Variants in ETV6 observed in about 807,000 individuals in gnomAD.
The protein encoded by ETV6 is transcription factor ETV6.
A neutral mutation model predicts 51.1 loss-of-function variants in ETV6; 16 were observed. The ratio of observed to expected loss-of-function variants is 0.31; its 90% CI spans 0.21 to 0.48. The LOEUF (loss-of-function observed/expected upper bound fraction) is 0.48. Among genes scored for constraint, ETV6 ranks in the 20% least tolerant of loss-of-function variants. ETV6 has a pLI of 0.99. For missense variants in ETV6, 458 were observed against 594.8 expected (o/e 0.77, Z 2.39); for synonymous variants, 240 against 224.1 (o/e 1.07, Z -0.64).
At chr12:11,825,348 A>T (rs1443917205) in intron 2 of ETV6, among the ~76,000 whole-genome samples, 2 of 152,222 alleles carry the variant, frequency 1.3e-5, no homozygotes. Context: ...AAGAAGAAAC[A>T]AGAAAGGTTT....
At chr12:11,882,891 A>C (rs912585553) in intron 5 of ETV6, among the ~76,000 whole-genome samples, 2 of 152,240 alleles carry the variant, frequency 1.3e-5, no homozygotes, top group African/African-American at 4.8e-5. Flanking sequence ...GGCCTTGCCC[A>C]AAGTAAAAAA....
chr12:11,891,842 G>T lies in ETV6; in HGVS notation c.*796G>T. 1 of 323,472 alleles carries T rather than the reference G, an allele frequency of 3.1e-6. No individual in the cohort carries two copies. Among genetic ancestry groups the T allele is most frequent in the Non-Finnish European group, 6.0e-6 (1 of 167,372 alleles). The allele number at this position is 323,472 out of a possible 1,614,324, so 20.0% of individuals were successfully genotyped here. On this transcript the variant is annotated 3_prime_UTR_variant, in exon 8 of 8. Transcript: ENST00000396373. The stretch of plus-strand genomic sequence containing the variant: ...GAATCAAACCCGCATCCCAGCATTG[G>T]GCCACCCATCTGAGGGAGGCCAAAA...
intron 1 of ETV6, among the ~76,000 whole-genome samples, chr12:11,671,845 G>A (rs1864322634): frequency 6.6e-6 from 1 of 151,910 alleles, no homozygotes; most frequent in African/African-American, 2.4e-5. Flanking sequence ...TAACAGATTG[G>A]TTCAAGTCAA....
intron 1 of ETV6, among the ~76,000 whole-genome samples, chr12:11,653,135 T>G (rs999471374): frequency 6.6e-6 from 1 of 152,148 alleles, no homozygotes; most frequent in African/African-American, 2.4e-5. Context: ...TGGGGTCGTT[T>G]AAATGGAAGG....
chr12:11,649,972 G>A lies in ETV6; in HGVS notation c.-156G>A. On this transcript the variant is annotated 5_prime_UTR_variant, in exon 1 of 8. Coordinates refer to ENST00000396373, the MANE Select transcript of ETV6 (RefSeq NM_001987.5). ...TCCGCCGGCCGCCCCGCCCCGCCCCGCGCGCTCCAGACCCCCGGGGCGGCT... is the reference window on the plus strand; with the variant it reads ...TCCGCCGGCCGCCCCGCCCCGCCCCACGCGCTCCAGACCCCCGGGGCGGCT... 1 of 534,914 alleles carries A rather than the reference G, an allele frequency of 1.9e-6. No individual in the cohort carries two copies. Among genetic ancestry groups the A allele is most frequent in the Non-Finnish European group, 3.2e-6 (1 of 317,210 alleles). 33.1% of individuals were successfully genotyped at this position (534,914 alleles called of 1,614,324 possible). A position where few individuals can be genotyped will look rare whatever the true frequency, so the allele number is the denominator to read the frequency against.
At chr12:11,743,459 A>G (rs1366679303) in intron 1 of ETV6, among the ~76,000 whole-genome samples, 2 of 152,136 alleles carry the variant, frequency 1.3e-5, no homozygotes, top group Middle Eastern at 3.4e-3. Flanking sequence ...TTCCTTACAG[A>G]TGGGGGTGAG....
At chr12:11,773,840 C>T (rs1945277699) in intron 2 of ETV6, among the ~76,000 whole-genome samples, 1 of 152,242 alleles carries the variant, frequency 6.6e-6, no homozygotes, top group Admixed American at 6.5e-5. Flanking sequence ...CTCCCTTCCA[C>T]AGGGCTGCGT....
In ETV6 at chr12:11,890,731, T is replaced by C. The variant is rs1482266462; in HGVS notation, c.1254-210T>C. ...TGAGCTACCATGCCTGGCCCTAGTC[T>C]TTTTAAATAAGCATTTTACCACTTT... On this transcript the variant is annotated intron_variant, in intron 7 of 7. Transcript: ENST00000396373. Among the ~76,000 whole-genome samples the C allele has an allele frequency of 2.6e-5, 4 of 152,162 alleles. No homozygotes were observed. The East Asian group carries it at 5.8e-4, about 22-fold the overall frequency.
intron 1 of ETV6, among the ~76,000 whole-genome samples, chr12:11,705,706 A>C (rs1865061818): frequency 6.6e-6 from 1 of 152,232 alleles, no homozygotes; most frequent in African/African-American, 2.4e-5. Context: ...CGGGCATTTG[A>C]CTTGAACCAC....
chr12:11,839,393 A>G, intron 3 of ETV6, 89 bp downstream of exon 3: 5 of 1,307,326 alleles, frequency 3.8e-6, no homozygotes, highest in Non-Finnish European at 5.3e-6. Flanking sequence ...GGCCCAAGAA[A>G]TCCCAACAGT....
Position 11,893,058 on chromosome 12 carries a change from G to A in ETV6, c.*2012G>A, listed in dbSNP as rs910586060. The A allele has an allele frequency of 1.3e-5, 3 of 232,732 alleles. No individual in the cohort carries two copies. The highest frequency in any genetic ancestry group is 1.8e-4 in the South Asian group (1 of 5,518). 14.4% of individuals were successfully genotyped at this position (232,732 alleles called of 1,614,324 possible). ...GTGGGTCTCAGTCTGCTTGAATGGT[G>A]ATGAGATTCTGCTGGATCTCAGCAC... On this transcript the variant is annotated 3_prime_UTR_variant, in exon 8 of 8. Coordinates refer to ENST00000396373, the MANE Select transcript of ETV6 (RefSeq NM_001987.5).
chr12:11,673,681 G>T (rs1864362622), intron 1 of ETV6, among the ~76,000 whole-genome samples: 1 of 152,128 alleles, frequency 6.6e-6, no homozygotes, highest in Non-Finnish European at 1.5e-5. Flanking sequence ...AAATACATCA[G>T]TTTCTCTCTT....
chr12:11,786,356 CTAAT>C (rs1433139394), intron 2 of ETV6, among the ~76,000 whole-genome samples: 1 of 150,996 alleles, frequency 6.6e-6, no homozygotes, highest in Non-Finnish European at 1.5e-5. Context: ...TCACTTTTCC[CTAAT>C]TAAAGATATA....
At chr12:11,673,657 CT>C (rs1286093714) in intron 1 of ETV6, among the ~76,000 whole-genome samples, 1 of 152,194 alleles carries the variant, frequency 6.6e-6, no homozygotes, top group Non-Finnish European at 1.5e-5. Flanking sequence ...CGAATGTCAT[CT>C]TTGTAGTTGC....
intron 1 of ETV6, among the ~76,000 whole-genome samples, chr12:11,670,046 A>T (rs2018727842): frequency 6.6e-6 from 1 of 150,730 alleles, no homozygotes; most frequent in African/African-American, 2.5e-5. Context: ...TTAATTGTTC[A>T]CCTGGGCTTG....
intron 1 of ETV6, among the ~76,000 whole-genome samples, chr12:11,680,256 T>G (rs1316682040): frequency 6.6e-6 from 1 of 152,182 alleles, no homozygotes; most frequent in Non-Finnish European, 1.5e-5. Context: ...TTACACTTGT[T>G]GGGGGGCAGG....
At chr12:11,749,099 C>T (rs934589326) in intron 1 of ETV6, among the ~76,000 whole-genome samples, 5 of 152,020 alleles carry the variant, frequency 3.3e-5, no homozygotes, top group African/African-American at 7.3e-5. Flanking sequence ...TTGAGAGCAG[C>T]GTGTTTTATT....
intron 2 of ETV6, among the ~76,000 whole-genome samples, chr12:11,783,904 G>A (rs1945445324): frequency 6.6e-6 from 1 of 152,156 alleles, no homozygotes. Context: ...GGAGGTGGCA[G>A]TGAAGGAAAT....
chr12:11,853,570 A>G lies in ETV6; in HGVS notation c.463+9A>G. On this transcript the variant is annotated intron_variant, in intron 4 of 7. Coordinates refer to ENST00000396373, the MANE Select transcript of ETV6 (RefSeq NM_001987.5). ...TCAGAACCATGAAGAAGGTACTGGA[A>G]GAGGTTTCTCTTTTCTTGCCTGAGG... The G allele has an allele frequency of 6.2e-7, 1 of 1,614,030 alleles. No homozygotes were observed. The highest frequency in any genetic ancestry group is 8.5e-7 in the Non-Finnish European group (1 of 1,179,952).
Sources: allele counts gnomAD v4.1 joint callset (sites outside exome capture counted in the v4.1 genomes callset), GRCh38; gene constraint gnomAD v4.1.1; transcripts MANE v1.5; gene names NCBI Gene and HGNC (gene_info 2026-07-23, HGNC 2026-07-21).